PLEKHA6: variants seen among roughly 807,000 people sequenced by gnomAD.
The protein encoded by PLEKHA6 is pleckstrin homology domain containing A6, also known as pleckstrin homology domain-containing family A member 6.
In PLEKHA6, 60 loss-of-function variants were observed where a neutral mutation model predicts 116.7. The ratio of observed to expected loss-of-function variants is 0.51; its 90% CI spans 0.42 to 0.64. The LOEUF (loss-of-function observed/expected upper bound fraction) is 0.64. Ranked by LOEUF, PLEKHA6 falls within the 30% of genes least tolerant of loss-of-function variation. The probability of loss-of-function intolerance (pLI) is 0.00; values close to 1 mark genes in which losing one functional copy is unlikely to be tolerated. For missense variants in PLEKHA6, 1,338 were observed against 1,422.7 expected (o/e 0.94, Z 0.96); for synonymous variants, 489 against 556.1 (o/e 0.88, Z 1.70).
chr1:204,331,066 G>A (rs113862898), intron 1 of PLEKHA6, among the ~76,000 whole-genome samples: 122 of 152,166 alleles, frequency 8.0e-4, no homozygotes, highest in African/African-American at 2.6e-3. Flanking sequence ...GCATGTTGGC[G>A]GCGCATGCCT....
intron 1 of PLEKHA6, among the ~76,000 whole-genome samples, chr1:204,338,407 C>G (rs1187795802): frequency 1.3e-5 from 2 of 152,162 alleles, no homozygotes; most frequent in South Asian, 2.1e-4. Flanking sequence ...CACCATCCCC[C>G]GCTCCATTAA....
At chr1:204,326,612 A>T (rs968073280) in intron 1 of PLEKHA6, among the ~76,000 whole-genome samples, 4 of 152,248 alleles carry the variant, frequency 2.6e-5, no homozygotes, top group Non-Finnish European at 5.9e-5. Flanking sequence ...GTGATAGATC[A>T]TTGAGCCTTA....
rs772195348 is a variant in PLEKHA6, at chr1:204,257,544, G to T, written c.1333C>A (p.Arg445Ser). The T allele has an allele frequency of 3.1e-6, 5 of 1,595,742 alleles. No individual in the cohort carries two copies. Among genetic ancestry groups the T allele is most frequent in the Non-Finnish European group, 4.3e-6 (5 of 1,170,104 alleles). The change falls in exon 9 of 23, where the codon CGC becomes AGC. Residue 445 changes from arginine to serine, a missense_variant. Arg to Ser is a moderately radical substitution (Grantham distance 110, BLOSUM62 -1). This residue lies in a region of PLEKHA6 where 1,136 missense variants were observed against 1,163.6 expected (regional missense o/e 0.98). Coordinates refer to ENST00000272203, the MANE Select transcript of PLEKHA6 (RefSeq NM_014935.5). The surrounding 1 kb of genome is among the most constrained non-coding windows in gnomAD (Gnocchi z 6.5). ...DELDAASSSLRRLSLQPRSHS... is the reference protein window; with the variant it reads ...DELDAASSSLSRLSLQPRSHS... ...GAGCGGGGCTGCAGGGACAGGCGGC[G>T]CAGGGAGCTAGAGGCGGCATCCAGC...
rs201214684 is a variant in PLEKHA6, at chr1:204,248,796, G to C, written c.1824+25C>G. ...CTGCCTAGTGCTGATGAGGTGGGGT[G>C]CACGAACCCCGCTCCCTGGGTTACC... On this transcript the variant is annotated intron_variant, in intron 12 of 22. Transcript: ENST00000272203. 9.3e-6 allele frequency: 15 copies of C among 1,607,966 alleles called. No homozygotes were observed. In the South Asian group the frequency reaches 1.5e-4, roughly 17 times the overall value.
At chr1:204,268,382 AC>A (rs1667074080) in intron 3 of PLEKHA6, 70 bp from the exon 4 acceptor site, 1 of 1,088,932 alleles carries the variant, frequency 9.2e-7, no homozygotes, top group African/African-American at 1.6e-5. Flanking sequence ...CAAGGGAGCC[AC>A]CCCTGCTAGA....
chr1:204,281,425 T>C (rs1402700424), intron 1 of PLEKHA6, among the ~76,000 whole-genome samples: 1 of 151,842 alleles, frequency 6.6e-6, no homozygotes, highest in Non-Finnish European at 1.5e-5. Context: ...CTCAGGAGGC[T>C]GAGGCAGGAG....
Position 204,229,083 on chromosome 1 carries a change from G to T in PLEKHA6, c.2605C>A (p.His869Asn). ...YKVVRRHRSIHEVDISNLEAA... is the reference protein window; with the variant it reads ...YKVVRRHRSINEVDISNLEAA... Reference sequence around the variant, plus strand: ...TCCAGGTTGGAGATGTCTACCTCATGGATGCTGCGGTGGCGGCGCACCTAG... The same window carrying T: ...TCCAGGTTGGAGATGTCTACCTCATTGATGCTGCGGTGGCGGCGCACCTAG... The change falls in exon 19 of 23, where the codon CAT becomes AAT. Residue 869 changes from histidine to asparagine, a missense_variant. His to Asn is a moderately conservative substitution (Grantham distance 68, BLOSUM62 1). Coordinates refer to ENST00000272203, the MANE Select transcript of PLEKHA6 (RefSeq NM_014935.5). 1 of 1,613,490 alleles carries T rather than the reference G, an allele frequency of 6.2e-7. No individual in the cohort carries two copies. Among genetic ancestry groups the T allele is most frequent in the Non-Finnish European group, 8.5e-7 (1 of 1,179,824 alleles).
chr1:204,321,839 T>A (rs1572178036), intron 1 of PLEKHA6, among the ~76,000 whole-genome samples: 1 of 151,938 alleles, frequency 6.6e-6, no homozygotes, highest in Non-Finnish European at 1.5e-5. Context: ...AAGGGCAGAC[T>A]CAGTCGGCTG....
chr1:204,366,556 T>A (rs1339434468), intron 3 of PLEKHA6, among the ~76,000 whole-genome samples: 1 of 152,084 alleles, frequency 6.6e-6, no homozygotes, highest in Non-Finnish European at 1.5e-5. Flanking sequence ...AGGCCAGGTG[T>A]TCGAGACCAG....
At chr1:204,315,581 C>T (rs1420790548) in intron 1 of PLEKHA6, among the ~76,000 whole-genome samples, 2 of 151,970 alleles carry the variant, frequency 1.3e-5, no homozygotes, top group South Asian at 2.1e-4. Flanking sequence ...AGTTAAACAC[C>T]CCCAGCCCAC....
intron 1 of PLEKHA6, among the ~76,000 whole-genome samples, chr1:204,356,865 G>A (rs1457558092): frequency 2.6e-5 from 4 of 152,014 alleles, no homozygotes; most frequent in Non-Finnish European, 5.9e-5. Flanking sequence ...TTCTTTTAAT[G>A]TACACCCTTC....
At chr1:204,301,188 C>A in intron 1 of PLEKHA6, 2 of 950,722 alleles carry the variant, frequency 2.1e-6, no homozygotes, top group Non-Finnish European at 1.3e-6. Flanking sequence ...TAGAGCTATA[C>A]AAGCCACCTC....
intron 1 of PLEKHA6, among the ~76,000 whole-genome samples, chr1:204,316,938 A>G (rs920034240): frequency 6.6e-6 from 1 of 152,184 alleles, no homozygotes; most frequent in African/African-American, 2.4e-5. Context: ...GCCTCCTCGT[A>G]TCCACTCCTT....
chr1:204,347,136 G>A, intron 1 of PLEKHA6: 1 of 1,117,822 alleles, frequency 8.9e-7, no homozygotes, highest in Admixed American at 1.7e-5. Flanking sequence ...TTCCCTTGAT[G>A]TCTACAATAT....
chr1:204,262,427 G>A (rs1202542309), intron 6 of PLEKHA6, among the ~76,000 whole-genome samples: 1 of 152,162 alleles, frequency 6.6e-6, no homozygotes, highest in African/African-American at 2.4e-5. Flanking sequence ...AGGAAAAGAG[G>A]CCACAGGACT....
intron 1 of PLEKHA6, among the ~76,000 whole-genome samples, chr1:204,335,822 T>A (rs1001877427): frequency 2.6e-5 from 4 of 152,080 alleles, no homozygotes; most frequent in African/African-American, 9.7e-5. Context: ...GCAGGGCACA[T>A]CTGTACCTGT....
At position 204,265,045 on chromosome 1, in the gene PLEKHA6, GT is replaced by G; in HGVS notation, c.281-4del. The G allele has an allele frequency of 4.4e-6, 7 of 1,606,184 alleles. No homozygotes were observed. The highest frequency in any genetic ancestry group is 5.1e-6 in the Non-Finnish European group (6 of 1,173,678). Reference sequence around the variant, plus strand: ...CAGGATACTCTCTTCCTTCTCATCTGTCAGGGAGAGAGGCACAAGAAGGGTG... The same window carrying G: ...CAGGATACTCTCTTCCTTCTCATCTGCAGGGAGAGAGGCACAAGAAGGGTG... On this transcript the variant is annotated splice_polypyrimidine_tract_variant and splice_region_variant and intron_variant, in intron 5 of 22. Transcript: ENST00000272203.
In PLEKHA6 at chr1:204,371,859, G is replaced by T. The variant is rs145668908; in HGVS notation, c.84-253C>A. On this transcript the variant is annotated intron_variant, in intron 1 of 4. Transcript: ENST00000564627. Reference sequence around the variant, plus strand: ...CCACTGGGAAACAAATGCATAAAAAGATAGCTGCAATACAATATGATAGGC... The same window carrying T: ...CCACTGGGAAACAAATGCATAAAAATATAGCTGCAATACAATATGATAGGC... 5.3e-3 allele frequency among the ~76,000 whole-genome samples: 803 copies of T among 152,280 alleles called. 11 individuals are homozygous for T. The highest frequency in any genetic ancestry group is 0.048 in the Middle Eastern group (14 of 294).
chr1:204,365,150 T>G (rs901958995), intron 3 of PLEKHA6, among the ~76,000 whole-genome samples: 11 of 150,462 alleles, frequency 7.3e-5, no homozygotes, highest in African/African-American at 2.7e-4. Context: ...GTGGGGAGTG[T>G]GGGAGGTGAG....
Sources: gnomAD v4.1 joint callset for allele counts (sites outside exome capture counted in the v4.1 genomes callset) on GRCh38, gnomAD v4.1.1 for gene constraint, gnomAD v4.1.1 regional missense constraint, Gnocchi (gnomAD v3.1) non-coding constraint, MANE v1.5 for transcripts, NCBI Gene and HGNC (gene_info 2026-07-23, HGNC 2026-07-21) for gene names.